DMRT1: variants seen among roughly 807,000 people sequenced by gnomAD.
DMRT1 encodes doublesex- and mab-3-related transcription factor 1.
DMRT1 carries 7 observed loss-of-function variants against 32.3 expected under a neutral mutation model. That is an observed-to-expected ratio of 0.22 (90% CI 0.12 to 0.41). The LOEUF (loss-of-function observed/expected upper bound fraction) is 0.41, where lower values mean the gene tolerates loss of function less well. Among genes scored for constraint, DMRT1 ranks in the 10% least tolerant of loss-of-function variants. DMRT1 has a pLI of 1.00. For synonymous variants in DMRT1, 278 were observed against 206.1 expected, an observed-to-expected ratio of 1.35 and a Z score of -2.99; for missense variants, 625 against 500.5, an observed-to-expected ratio of 1.25 and a Z score of -2.37.
chr9:937,853 A>G (rs555930621), intron 4 of DMRT1, among the ~76,000 whole-genome samples: 13 of 151,678 alleles, frequency 8.6e-5, no homozygotes, highest in African/African-American at 2.7e-4. Flanking sequence ...TTATTTTGAT[A>G]AAGTCCAAGT....
chr9:902,301 C>T (rs1268077443), intron 3 of DMRT1, among the ~76,000 whole-genome samples: 2 of 151,758 alleles, frequency 1.3e-5, no homozygotes, highest in Non-Finnish European at 1.5e-5. Context: ...AGTTGATACC[C>T]GTTGTCTCTC....
chr9:850,404 A>C (rs918827863), intron 2 of DMRT1, among the ~76,000 whole-genome samples: 11 of 152,222 alleles, frequency 7.2e-5, no homozygotes, highest in Non-Finnish European at 1.2e-4. Context: ...ATAGCTTCCT[A>C]CTAACAAATA....
At chr9:878,200 G>GCCCCCCCCCCCCCCCCCCC (rs34336062) in intron 2 of DMRT1, among the ~76,000 whole-genome samples, 1 of 94,040 alleles carries the variant, frequency 1.1e-5, no homozygotes, top group Non-Finnish European at 2.0e-5. Context: ...TGCAGCTGCT[G>GCCCCCCCCCCCCCCCCCCC]CCCCCCCCCC....
At chr9:886,797 T>C (rs1267520460) in intron 2 of DMRT1, among the ~76,000 whole-genome samples, 2 of 152,208 alleles carry the variant, frequency 1.3e-5, no homozygotes, top group African/African-American at 4.8e-5. Flanking sequence ...GCCTGCCATC[T>C]TTGCTGACAC....
chr9:879,120 G>A (rs1816628662), intron 2 of DMRT1, among the ~76,000 whole-genome samples: 1 of 152,086 alleles, frequency 6.6e-6, no homozygotes, highest in Non-Finnish European at 1.5e-5. Flanking sequence ...AAGATGCCAG[G>A]CTCTAATTCT....
At chr9:915,687 A>G (rs1433191213) in intron 3 of DMRT1, among the ~76,000 whole-genome samples, 1 of 152,042 alleles carries the variant, frequency 6.6e-6, no homozygotes, top group African/African-American at 2.4e-5. Context: ...TTCCCATTAC[A>G]CATGGTTTGC....
intron 4 of DMRT1, among the ~76,000 whole-genome samples, chr9:931,913 G>T (rs1475750772): frequency 6.6e-6 from 1 of 152,084 alleles, no homozygotes; most frequent in Non-Finnish European, 1.5e-5. Context: ...TTGGTGGGTC[G>T]GTGTGTGTAA....
chr9:851,165 A>T lies in DMRT1; in HGVS notation c.538+4022A>T, dbSNP rs572335833. Among the ~76,000 whole-genome samples, 66 of 152,266 alleles carry T rather than the reference A, an allele frequency of 4.3e-4. No individual in the cohort carries two copies. The East Asian group carries it at 0.011, about 25-fold the overall frequency. On this transcript the variant is annotated intron_variant, in intron 2 of 4. Transcript: ENST00000382276. ...CTGGCACACCTTGGGGCAAGTTGCT[A>T]ACTTTCTACTTTCTAATACCTGATG...
At chr9:945,285 C>G (rs1819205638) in intron 4 of DMRT1, among the ~76,000 whole-genome samples, 1 of 152,106 alleles carries the variant, frequency 6.6e-6, no homozygotes, top group African/African-American at 2.4e-5. Context: ...TTTTGAGTAG[C>G]TGGGATTACA....
chr9:899,015 T>C (rs1342314663), intron 3 of DMRT1, among the ~76,000 whole-genome samples: 1 of 152,166 alleles, frequency 6.6e-6, no homozygotes, highest in African/African-American at 2.4e-5. Context: ...TTTTTAACTA[T>C]TGTAAATGGG....
At chr9:948,622 A>G (rs1452326814) in intron 4 of DMRT1, among the ~76,000 whole-genome samples, 1 of 152,080 alleles carries the variant, frequency 6.6e-6, no homozygotes, top group Non-Finnish European at 1.5e-5. Context: ...GTTGATTTAA[A>G]AGAAAACCTG....
intron 4 of DMRT1, among the ~76,000 whole-genome samples, chr9:946,457 G>C (rs1215551489): frequency 6.6e-5 from 10 of 152,062 alleles, no homozygotes. Flanking sequence ...CCAGGTAACT[G>C]GACCATTTCA....
At chr9:848,580 G>T (rs12002753) in intron 2 of DMRT1, among the ~76,000 whole-genome samples, 18,600 of 130,518 alleles carry the variant, frequency 0.14, 1,590 homozygotes, top group East Asian at 0.43. Flanking sequence ...TTGAGATGGA[G>T]TCTCACTCTG....
intron 4 of DMRT1, among the ~76,000 whole-genome samples, chr9:933,792 C>A (rs778400011): frequency 6.6e-6 from 1 of 152,074 alleles, no homozygotes; most frequent in Admixed American, 6.5e-5. Context: ...AAGTTGTATT[C>A]GGCAACTTTT....
At chr9:878,039 C>T (rs545663381) in intron 2 of DMRT1, among the ~76,000 whole-genome samples, 64 of 152,114 alleles carry the variant, frequency 4.2e-4, no homozygotes, top group Non-Finnish European at 7.3e-4. Context: ...TCATAGACCA[C>T]GCTAGGAGAA....
In DMRT1 at chr9:967,997, C is replaced by A. The variant is rs1260461305; in HGVS notation, c.980C>A (p.Pro327His). 1 of 1,613,890 alleles carries A rather than the reference C, an allele frequency of 6.2e-7. No homozygotes were observed. The highest frequency in any genetic ancestry group is 1.3e-5 in the African/African-American group (1 of 74,920). Residue 327 changes from proline to histidine, a missense_variant, in exon 5 of 5, where the codon CCC (proline) becomes CAC (histidine). Physicochemically the swap from Pro to His is moderately conservative, Grantham distance 77. Transcript: ENST00000382276. ...PEARASVFSP[P>H]SSQDSGLVSL... ...CCTCACTTCGCAGTATTCTCGCCGC[C>A]CAGCAGTCAAGATTCTGGCTTGGTT... is the stretch of plus-strand genomic sequence containing the variant.
At chr9:900,419 C>G (rs1180478475) in intron 3 of DMRT1, among the ~76,000 whole-genome samples, 1 of 152,010 alleles carries the variant, frequency 6.6e-6, no homozygotes, top group Non-Finnish European at 1.5e-5. Flanking sequence ...ATCAGAACAA[C>G]CTGTTTGTTA....
At chr9:883,780 C>A (rs879217761) in intron 2 of DMRT1, among the ~76,000 whole-genome samples, 1 of 148,340 alleles carries the variant, frequency 6.7e-6, no homozygotes, top group Admixed American at 6.7e-5. Flanking sequence ...CGGAGCAAGA[C>A]CTGTTTCTTA....
chr9:946,675 T>C (rs1459821862), intron 4 of DMRT1, among the ~76,000 whole-genome samples: 4 of 152,186 alleles, frequency 2.6e-5, no homozygotes. Context: ...ACTTTCTCAT[T>C]ACTAGGCGAT....
Sources: allele counts gnomAD v4.1 joint callset (sites outside exome capture counted in the v4.1 genomes callset), GRCh38; gene constraint gnomAD v4.1.1; transcripts MANE v1.5; gene names NCBI Gene and HGNC (gene_info 2026-07-23, HGNC 2026-07-21).